Variants in NCOA3 observed in about 807,000 individuals in gnomAD.
The protein encoded by NCOA3 is nuclear receptor coactivator 3, also known as CBP-interacting protein.
Under a neutral mutation model 158.8 loss-of-function variants are expected in NCOA3, and 51 were observed. The observed-to-expected ratio is 0.32, with a 90% CI of 0.26 to 0.41. NCOA3 has a LOEUF of 0.41. Among genes scored for constraint, NCOA3 ranks in the 10% least tolerant of loss-of-function variants. NCOA3 has a pLI of 1.00. For synonymous variants in NCOA3, 537 were observed against 592.4 expected, an observed-to-expected ratio of 0.91 and a Z score of 1.36; for missense variants, 1,510 against 1,746.6, an observed-to-expected ratio of 0.86 and a Z score of 2.41.
At chr20:47,527,470 T>C (rs1359981599) in intron 1 of NCOA3, among the ~76,000 whole-genome samples, 1 of 152,210 alleles carries the variant, frequency 6.6e-6, no homozygotes, top group Non-Finnish European at 1.5e-5. Flanking sequence ...ATATGAGTTC[T>C]TATTTTGTTT....
At chr20:47,648,200 C>T (rs945496236) in intron 18 of NCOA3, among the ~76,000 whole-genome samples, 1 of 151,620 alleles carries the variant, frequency 6.6e-6, no homozygotes, top group Non-Finnish European at 1.5e-5. Flanking sequence ...CCACCGTGTG[C>T]GGCCAAATGC....
intron 1 of NCOA3, among the ~76,000 whole-genome samples, chr20:47,545,872 G>T (rs1051808304): frequency 6.6e-6 from 1 of 151,918 alleles, no homozygotes; most frequent in Admixed American, 6.6e-5. Context: ...ATGCCATCAT[G>T]CCTGGTTAAT....
In NCOA3 at chr20:47,608,373, C is replaced by T. The variant is rs113255752; in HGVS notation, c.-19-13856C>T. On this transcript the variant is annotated intron_variant, in intron 2 of 22. Transcript: ENST00000371998. ...AGTGAATGAGTCCGGCTTGGTGGCT[C>T]ATGCCTGTAATTCCAACACTTTGTG... Among the ~76,000 whole-genome samples the T allele has an allele frequency of 5.0e-3, 755 of 152,066 alleles. 7 individuals are homozygous for T. The highest frequency in any genetic ancestry group is 0.017 in the African/African-American group (702 of 41,476).
Position 47,639,215 on chromosome 20 carries a change from T to C in NCOA3, c.2707+13T>C. 1 of 1,582,188 alleles carries C rather than the reference T, an allele frequency of 6.3e-7. No individual in the cohort carries two copies. On this transcript the variant is annotated intron_variant, in intron 14 of 22. Coordinates refer to ENST00000371998, the MANE Select transcript of NCOA3 (RefSeq NM_181659.3). ...GGCTCAAGTATGGGTACGTTATTTC[T>C]AATTAGTATGTATGATTATTTTGGG...
chr20:47,587,336 T>C (rs919663346), intron 2 of NCOA3, among the ~76,000 whole-genome samples: 1 of 152,212 alleles, frequency 6.6e-6, no homozygotes, highest in Non-Finnish European at 1.5e-5. Flanking sequence ...GAGACCAAGA[T>C]CTCTCTGAGT....
chr20:47,515,695 G>A (rs1179501153), intron 1 of NCOA3, among the ~76,000 whole-genome samples: 1 of 151,868 alleles, frequency 6.6e-6, no homozygotes, highest in Non-Finnish European at 1.5e-5. Context: ...ATGTTGGCTG[G>A]TCTTGAACTT....
Position 47,652,497 on chromosome 20 carries a change from C to T in NCOA3, c.4038C>T (p.Pro1346=). 1 of 1,614,106 alleles carries T rather than the reference C, an allele frequency of 6.2e-7. No homozygotes were observed. Among genetic ancestry groups the T allele is most frequent in the South Asian group, 1.1e-5 (1 of 91,084 alleles). ...CAAGAATGGGTCCCTCCCAGAATCC[C>T]ATGATGCAACACCCGCAGGCTGCAT... is the stretch of plus-strand genomic sequence containing the variant. ...MSSRMGPSQN[P]MMQHPQAASI... The change falls in exon 21 of 23, where the codon CCC becomes CCT. Residue 1346 remains proline (P), a synonymous_variant. Coordinates refer to ENST00000371998, the MANE Select transcript of NCOA3 (RefSeq NM_181659.3).
At chr20:47,582,266 G>A (rs988596018) in intron 1 of NCOA3, among the ~76,000 whole-genome samples, 4 of 152,010 alleles carry the variant, frequency 2.6e-5, no homozygotes, top group African/African-American at 4.8e-5. Flanking sequence ...AGGCTAGAGC[G>A]CAATGGCATG....
chr20:47,535,337 G>A (rs1261867821), intron 1 of NCOA3, among the ~76,000 whole-genome samples: 1 of 152,152 alleles, frequency 6.6e-6, no homozygotes, highest in Non-Finnish European at 1.5e-5. Flanking sequence ...CAGTGGCCGT[G>A]TGTTACAGTG....
In NCOA3 at chr20:47,540,895, G is replaced by A. The variant is rs530593029; in HGVS notation, c.-99+38876G>A. Among the ~76,000 whole-genome samples the A allele has an allele frequency of 6.6e-4, 101 of 152,254 alleles. No homozygotes were observed. In the Middle Eastern group the frequency reaches 0.014, roughly 21 times the overall value. The stretch of plus-strand genomic sequence containing the variant: ...GGGAAGGATGTAAATGAATTCCTGG[G>A]AGATATTTTCAGTTAGTGAGATTAT... On this transcript the variant is annotated intron_variant, in intron 1 of 22. Coordinates refer to ENST00000371998, the MANE Select transcript of NCOA3 (RefSeq NM_181659.3).
At chr20:47,634,304 G>T (rs1244204727) in intron 10 of NCOA3, 109 bp downstream of exon 10, 4 of 1,097,082 alleles carry the variant, frequency 3.6e-6, no homozygotes, top group Non-Finnish European at 5.2e-6. Flanking sequence ...ATTTAGGAAG[G>T]TTATTGGGTT....
chr20:47,510,616 G>T (rs2084105055), intron 1 of NCOA3, among the ~76,000 whole-genome samples: 1 of 151,804 alleles, frequency 6.6e-6, no homozygotes. Context: ...AATTTTTGGA[G>T]AGGGTCTTGC....
intron 1 of NCOA3, among the ~76,000 whole-genome samples, chr20:47,516,148 T>G (rs573561419): frequency 6.6e-6 from 1 of 152,238 alleles, no homozygotes; most frequent in South Asian, 2.1e-4. Context: ...ACTCATAAAA[T>G]GCACGATACC....
chr20:47,572,089 A>G (rs2085303775), intron 1 of NCOA3, among the ~76,000 whole-genome samples: 1 of 152,196 alleles, frequency 6.6e-6, no homozygotes, highest in African/African-American at 2.4e-5. Context: ...AACCTCTTCT[A>G]ACTTTTCTTC....
At chr20:47,556,563 C>T (rs1375163859) in intron 1 of NCOA3, among the ~76,000 whole-genome samples, 1 of 152,132 alleles carries the variant, frequency 6.6e-6, no homozygotes, top group Non-Finnish European at 1.5e-5. Flanking sequence ...CACTCTGTCA[C>T]CCAGGCTGTA....
At chr20:47,601,900 CA>C (rs1326132670) in intron 2 of NCOA3, among the ~76,000 whole-genome samples, 3 of 152,168 alleles carry the variant, frequency 2.0e-5, no homozygotes, top group African/African-American at 4.8e-5. Flanking sequence ...TCAAGGATAA[CA>C]GGGGGAGCCA....
intron 8 of NCOA3, chr20:47,628,749 G>A (rs2146308501): frequency 6.6e-6 from 1 of 151,916 alleles, no homozygotes; most frequent in East Asian, 1.9e-4. Context: ...TTTCAATCTT[G>A]GTCTGCCATT....
chr20:47,551,964 G>A (rs1436760154), intron 1 of NCOA3, among the ~76,000 whole-genome samples: 3 of 152,168 alleles, frequency 2.0e-5, no homozygotes, highest in East Asian at 1.9e-4. Flanking sequence ...AGGAAGCTCT[G>A]TATCTCTAGG....
At chr20:47,506,257 A>G (rs772972857) in intron 1 of NCOA3, among the ~76,000 whole-genome samples, 1 of 152,014 alleles carries the variant, frequency 6.6e-6, no homozygotes. Flanking sequence ...TTTGTCTATC[A>G]TTTTTCTGAG....
Sources: gnomAD v4.1 joint callset for allele counts (sites outside exome capture counted in the v4.1 genomes callset) on GRCh38, gnomAD v4.1.1 for gene constraint, MANE v1.5 for transcripts, NCBI Gene and HGNC (gene_info 2026-07-23, HGNC 2026-07-21) for gene names.